Variants in ABHD8 observed in about 807,000 individuals in gnomAD.
ABHD8 encodes the protein protein ABHD8.
ABHD8 carries 10 observed loss-of-function variants against 29.3 expected under a neutral mutation model. That is an observed-to-expected ratio of 0.34 (90% CI 0.21 to 0.58). The LOEUF (loss-of-function observed/expected upper bound fraction) is 0.58, where lower values mean the gene tolerates loss of function less well. ABHD8 is among the 20% of genes least tolerant of loss of function. The pLI is 0.85. For missense variants in ABHD8, 556 were observed against 615.3 expected, an observed-to-expected ratio of 0.90 and a Z score of 1.02; for synonymous variants, 282 against 274.6, an observed-to-expected ratio of 1.03 and a Z score of -0.27.
chr19:17,294,666 G>C lies in ABHD8; in HGVS notation c.932+9C>G. 6.2e-7 allele frequency: 1 copy of C among 1,613,108 alleles called. No homozygotes were observed. On this transcript the variant is annotated intron_variant, in intron 3 of 4. Coordinates refer to ENST00000247706, the MANE Select transcript of ABHD8 (RefSeq NM_024527.5). ...CCAGGATCACGGTCTTTGGGGTGGG[G>C]ACACTCACTTGAGGAAGCTCCAGGC...
rs1249927317 is a variant in ABHD8 at position 17,300,961 on chromosome 19, G to T, written c.656C>A (p.Pro219His). Residue 219 changes from proline (P) to histidine (H), a missense_variant, in exon 2 of 5, where the codon CCC becomes CAC. Around this residue, in one of 2 missense-constraint regions of ABHD8, gnomAD observed 270 missense variants for 353.9 expected, o/e 0.76. Coordinates refer to ENST00000247706, the MANE Select transcript of ABHD8 (RefSeq NM_024527.5). Reference protein sequence around the residue: ...DLAGHGASSAPQVAAAYTFYA... With the variant: ...DLAGHGASSAHQVAAAYTFYA... ...GAAGGTGTAGGCTGCGGCCACCTGG[G>T]GCGCAGAGCTGGCCCCGTGGCCGGC... 7.4e-6 allele frequency: 12 copies of T among 1,613,406 alleles called. No individual in the cohort carries two copies. Among genetic ancestry groups the T allele is most frequent in the Non-Finnish European group, 1.0e-5 (12 of 1,179,998 alleles).
At chr19:17,298,677 C>A (rs183377067) in intron 2 of ABHD8, among the ~76,000 whole-genome samples, 91 of 151,424 alleles carry the variant, frequency 6.0e-4, no homozygotes, top group African/African-American at 2.1e-3. Flanking sequence ...TCCTATAGCC[C>A]CTCACAGAAA....
intron 2 of ABHD8, chr19:17,297,854 C>T (rs2074100316): frequency 6.6e-6 from 1 of 151,544 alleles, no homozygotes; most frequent in African/African-American, 2.4e-5. Context: ...CCTCAGCTTC[C>T]CAAAGTGTTG....
rs1364268890 is a variant in ABHD8, at chr19:17,292,835, C to A, written c.1150-4G>T. The A allele has an allele frequency of 6.2e-7, 1 of 1,610,564 alleles. No homozygotes were observed. Among genetic ancestry groups the A allele is most frequent in the Non-Finnish European group, 8.5e-7 (1 of 1,177,986 alleles). ...TCAGGAATGCCAGGAGCAGGATCTG[C>A]AGAAGACGCAGGGCTCAAGGTAGGC... On this transcript the variant is annotated splice_region_variant and splice_polypyrimidine_tract_variant and intron_variant, in intron 4 of 4. Transcript: ENST00000247706.
chr19:17,299,396 C>T (rs2074107546), intron 2 of ABHD8, among the ~76,000 whole-genome samples: 1 of 151,738 alleles, frequency 6.6e-6, no homozygotes, highest in South Asian at 2.1e-4. Flanking sequence ...CCCGTCTGTA[C>T]TAAAAAGACA....
Position 17,292,253 on chromosome 19 carries a change from A to C in ABHD8, c.*408T>G. ...CAGCGCCGAGGAATGGGGGGTAGGAAGGGTCTCGGATAACGGGATGGGGCC... is the reference window on the plus strand; with the variant it reads ...CAGCGCCGAGGAATGGGGGGTAGGACGGGTCTCGGATAACGGGATGGGGCC... On this transcript the variant is annotated 3_prime_UTR_variant, in exon 5 of 5. Coordinates refer to ENST00000247706, the MANE Select transcript of ABHD8 (RefSeq NM_024527.5). 7 of 252,500 alleles carry C rather than the reference A, an allele frequency of 2.8e-5. No homozygotes were observed. Among genetic ancestry groups the C allele is most frequent in the East Asian group, 7.3e-5 (1 of 13,632 alleles). 15.6% of individuals were successfully genotyped at this position (252,500 alleles called of 1,614,324 possible).
At chr19:17,294,160 G>T (rs747519356) in intron 4 of ABHD8, 128 bp downstream of exon 4, 701 of 1,187,374 alleles carry the variant, frequency 5.9e-4, no homozygotes, top group Non-Finnish European at 7.7e-4. Context: ...ACGCCCACCC[G>T]GCAGCCACGC....
chr19:17,298,735 CTTTTTTTT>C (rs34731394), intron 2 of ABHD8, among the ~76,000 whole-genome samples: 1 of 70,422 alleles, frequency 1.4e-5, no homozygotes, highest in Non-Finnish European at 2.5e-5. Flanking sequence ...AACAACACTG[CTTTTTTTT>C]TTTTTTTTTT....
chr19:17,300,128 T>A, intron 2 of ABHD8, among the ~76,000 whole-genome samples: 1 of 151,364 alleles, frequency 6.6e-6, no homozygotes, highest in Admixed American at 6.6e-5. Flanking sequence ...ATGGTCTCAA[T>A]CTTCTGACCT....
chr19:17,299,560 C>CAA (rs567760409), intron 2 of ABHD8, among the ~76,000 whole-genome samples: 8,250 of 51,022 alleles, frequency 0.16, 679 homozygotes, highest in Non-Finnish European at 0.23. Context: ...GACTCCATCT[C>CAA]AAAAAAAAAA....
At chr19:17,302,468 A>G (rs1204114804) in intron 1 of ABHD8, among the ~76,000 whole-genome samples, 1 of 152,136 alleles carries the variant, frequency 6.6e-6, no homozygotes, top group African/African-American at 2.4e-5. Flanking sequence ...AAAATATGCA[A>G]ATCTTTGGTG....
intron 4 of ABHD8, among the ~76,000 whole-genome samples, chr19:17,294,009 G>A (rs548451680): frequency 2.6e-5 from 4 of 152,218 alleles, no homozygotes; most frequent in Admixed American, 6.5e-5. Context: ...GCTGTGAGGA[G>A]AGCCTTCTTA....
intron 4 of ABHD8, among the ~76,000 whole-genome samples, chr19:17,293,499 G>A (rs2074080082): frequency 6.6e-6 from 1 of 151,478 alleles, no homozygotes; most frequent in Admixed American, 6.6e-5. Flanking sequence ...TAGCTGGGGT[G>A]GGGGCTGCTA....
In ABHD8 at chr19:17,292,847, G is replaced by C; in HGVS notation, c.1150-16C>G. ...GGAGCAGGATCTGCAGAAGACGCAGGGCTCAAGGTAGGCGGGGGCAAGAGG... is the reference window on the plus strand; with the variant it reads ...GGAGCAGGATCTGCAGAAGACGCAGCGCTCAAGGTAGGCGGGGGCAAGAGG... On this transcript the variant is annotated splice_polypyrimidine_tract_variant and intron_variant, in intron 4 of 4. Transcript: ENST00000247706. 6.2e-7 allele frequency: 1 copy of C among 1,606,034 alleles called. No homozygotes were observed. Among genetic ancestry groups the C allele is most frequent in the Non-Finnish European group, 8.5e-7 (1 of 1,174,860 alleles).
intron 2 of ABHD8, among the ~76,000 whole-genome samples, chr19:17,299,560 C>T (rs1463512754): frequency 1.9e-5 from 1 of 51,504 alleles, no homozygotes; most frequent in Admixed American, 2.4e-4. Context: ...GACTCCATCT[C>T]AAAAAAAAAA....
At position 17,294,370 on chromosome 19, in the gene ABHD8, G is replaced by C. The variant is rs1175184306; in HGVS notation, c.1067C>G (p.Ala356Gly). 2 of 1,613,742 alleles carry C rather than the reference G, an allele frequency of 1.2e-6. No individual in the cohort carries two copies. Among genetic ancestry groups the C allele is most frequent in the Admixed American group, 3.3e-5 (2 of 59,996 alleles). ...YWPEGDEVYH[A>G]ELTVPVLLVH... Reference sequence around the variant, plus strand: ...AAGCAGGACGGGCACGGTGAGCTCGGCGTGGTAGACCTCGTCGCCCTCGGG... The same window carrying C: ...AAGCAGGACGGGCACGGTGAGCTCGCCGTGGTAGACCTCGTCGCCCTCGGG... Residue 356 changes from alanine to glycine, a missense_variant, in exon 4 of 5, where the codon GCC becomes GGC. Coordinates refer to ENST00000247706, the MANE Select transcript of ABHD8 (RefSeq NM_024527.5).
At position 17,292,597 on chromosome 19, in the gene ABHD8, C is replaced by A; in HGVS notation, c.*64G>T. ...CAGGTGGTCTGCGCTGCAGACCTGG[C>A]GCAGGCTCGGGCCTCCTCCTGCTGC... is the stretch of plus-strand genomic sequence containing the variant. On this transcript the variant is annotated 3_prime_UTR_variant, in exon 5 of 5. Transcript: ENST00000247706. The A allele has an allele frequency of 6.7e-7, 1 of 1,500,302 alleles. No homozygotes were observed. The highest frequency in any genetic ancestry group is 8.9e-7 in the Non-Finnish European group (1 of 1,121,412). The allele number at this position is 1,500,302 out of a possible 1,614,324, so 92.9% of individuals were successfully genotyped here.
Position 17,294,409 on chromosome 19 carries a change from C to T in ABHD8, c.1028G>A (p.Ser343Asn). The T allele has an allele frequency of 6.2e-7, 1 of 1,614,118 alleles. No homozygotes were observed. Among genetic ancestry groups the T allele is most frequent in the South Asian group, 1.1e-5 (1 of 91,092 alleles). Residue 343 changes from serine to asparagine, a missense_variant, in exon 4 of 5, where the codon AGC (serine) becomes AAC (asparagine). This residue lies in a region of ABHD8 where 270 missense variants were observed against 353.9 expected (regional missense o/e 0.76). Coordinates refer to ENST00000247706, the MANE Select transcript of ABHD8 (RefSeq NM_024527.5). The stretch of plus-strand genomic sequence containing the variant: ...GTCGCCCTCGGGCCAGTACTGGCCG[C>T]TCATCATGGCCCGGAGTACGAAGGA... ...VSSFVLRAMMSGQYWPEGDEV... is the reference protein window; with the variant it reads ...VSSFVLRAMMNGQYWPEGDEV...
In ABHD8 at chr19:17,294,274, G is replaced by A. The variant is rs1279572249; in HGVS notation, c.1149+14C>T. On this transcript the variant is annotated intron_variant, in intron 4 of 4. Coordinates refer to ENST00000247706, the MANE Select transcript of ABHD8 (RefSeq NM_024527.5). ...GGGATTTGTAGCTGTGGCGCCCCAG[G>A]TGCCCGCCTCTACCTCGGCCATGCG... 2.5e-6 allele frequency: 4 copies of A among 1,593,410 alleles called. No homozygotes were observed. Among genetic ancestry groups the A allele is most frequent in the Non-Finnish European group, 3.4e-6 (4 of 1,175,076 alleles).
Sources: allele counts gnomAD v4.1 joint callset (sites outside exome capture counted in the v4.1 genomes callset), GRCh38; gene constraint gnomAD v4.1.1; regional missense constraint gnomAD v4.1.1; transcripts MANE v1.5; gene names NCBI Gene and HGNC (gene_info 2026-07-23, HGNC 2026-07-21).